The following COL24A1 variants were observed in gnomAD, a reference collection of about 807,000 sequenced individuals.
COL24A1 encodes the protein collagen alpha-1(XXIV) chain.
A neutral mutation model predicts 253.9 loss-of-function variants in COL24A1; 224 were observed. The observed-to-expected ratio is 0.88, with a 90% CI of 0.79 to 0.99. COL24A1 has a LOEUF of 0.99. Ranked by LOEUF, COL24A1 falls within the 50% of genes least tolerant of loss-of-function variation. The pLI is 0.00. For missense variants in COL24A1, 2,131 were observed against 2,068.5 expected, an observed-to-expected ratio of 1.03 and a Z score of -0.59; for synonymous variants, 685 against 673.7, an observed-to-expected ratio of 1.02 and a Z score of -0.26.
chr1:85,916,651 A>T (rs1382879569), intron 24 of COL24A1, among the ~76,000 whole-genome samples: 3 of 152,106 alleles, frequency 2.0e-5, no homozygotes, highest in Non-Finnish European at 2.9e-5. Flanking sequence ...ACAGAGCAAG[A>T]CCCTGTCTCC....
At chr1:86,047,484 A>G (rs569454211) in intron 11 of COL24A1, among the ~76,000 whole-genome samples, 10 of 152,324 alleles carry the variant, frequency 6.6e-5, no homozygotes, top group Non-Finnish European at 1.3e-4. Context: ...TACTTCCTGT[A>G]TATAGTCTAA....
chr1:85,757,460 T>C (rs1666385520), intron 55 of COL24A1, among the ~76,000 whole-genome samples: 1 of 152,150 alleles, frequency 6.6e-6, no homozygotes, highest in Non-Finnish European at 1.5e-5. Flanking sequence ...TGGCAGTAAA[T>C]AATACAATGA....
chr1:85,823,806 T>C, intron 43 of COL24A1, 68 bp from the exon 44 acceptor site: 2 of 1,381,006 alleles, frequency 1.4e-6, no homozygotes, highest in Admixed American at 1.8e-5. Context: ...TAGGATACTA[T>C]CACTTAAAAT....
intron 45 of COL24A1, among the ~76,000 whole-genome samples, chr1:85,821,276 T>A (rs1673596095): frequency 6.6e-6 from 1 of 152,160 alleles, no homozygotes; most frequent in South Asian, 2.1e-4. Context: ...AATTGGTTGG[T>A]TAGGTTAAAT....
intron 20 of COL24A1, among the ~76,000 whole-genome samples, chr1:85,982,400 A>G (rs1483856672): frequency 6.6e-6 from 1 of 152,024 alleles, no homozygotes; most frequent in Non-Finnish European, 1.5e-5. Flanking sequence ...AGTAAAACAA[A>G]TTTACTAAGG....
At chr1:85,848,839 A>G (rs1299870750) in intron 38 of COL24A1, among the ~76,000 whole-genome samples, 1 of 152,166 alleles carries the variant, frequency 6.6e-6, no homozygotes, top group Non-Finnish European at 1.5e-5. Context: ...AAAGACTTGC[A>G]CTGTCTCACT....
chr1:85,802,062 C>T (rs956491930), intron 47 of COL24A1, among the ~76,000 whole-genome samples: 2 of 152,138 alleles, frequency 1.3e-5, no homozygotes, highest in East Asian at 1.9e-4. Context: ...TAGTTCAAAC[C>T]GTGAACACCT....
intron 21 of COL24A1, 139 bp downstream of exon 21, chr1:85,971,199 ACT>A (rs1159130167): frequency 1.4e-6 from 1 of 703,108 alleles, no homozygotes; most frequent in Non-Finnish European, 2.5e-6. Flanking sequence ...AGAGACCAAG[ACT>A]CTGTCTAAAT....
rs1336132412 is a variant in COL24A1, at chr1:86,125,234, T to C, written c.1102A>G (p.Ser368Gly). ...EAKMNTKEKF[S>G]SLLNMSDNIT... ...TTGTCAGACATGTTTAGGAGAGAGCTAAATTTCTCTTTGGTATTCATTTTT... is the reference window on the plus strand; with the variant it reads ...TTGTCAGACATGTTTAGGAGAGAGCCAAATTTCTCTTTGGTATTCATTTTT... Residue 368 changes from serine (S) to glycine (G), a missense_variant, in exon 3 of 60, where the codon AGC (serine) becomes GGC (glycine). Coordinates refer to ENST00000370571, the MANE Select transcript of COL24A1 (RefSeq NM_152890.7). The C allele has an allele frequency of 1.5e-5, 25 of 1,613,500 alleles. No homozygotes were observed. Among genetic ancestry groups the C allele is most frequent in the African/African-American group, 4.0e-5 (3 of 74,878 alleles).
intron 43 of COL24A1, among the ~76,000 whole-genome samples, chr1:85,828,336 CT>C (rs1674680577): frequency 6.6e-6 from 1 of 151,508 alleles, no homozygotes; most frequent in Admixed American, 6.6e-5. Flanking sequence ...GGGAGCTTTA[CT>C]TCCAAGTATG....
At chr1:85,899,501 T>C (rs938200543) in intron 28 of COL24A1, among the ~76,000 whole-genome samples, 1 of 152,118 alleles carries the variant, frequency 6.6e-6, no homozygotes, top group Non-Finnish European at 1.5e-5. Flanking sequence ...AGTTTGACTC[T>C]AGATGATCAA....
intron 3 of COL24A1, among the ~76,000 whole-genome samples, chr1:86,124,232 C>G (rs199878045): frequency 3.9e-5 from 5 of 129,270 alleles, no homozygotes; most frequent in Non-Finnish European, 8.5e-5. Flanking sequence ...TTGTTTTTTT[C>G]CCCTCACTGA....
chr1:85,740,415 C>CA (rs1227595717), intron 57 of COL24A1, among the ~76,000 whole-genome samples: 1 of 152,144 alleles, frequency 6.6e-6, no homozygotes, highest in Non-Finnish European at 1.5e-5. Context: ...ACTATCATAT[C>CA]TACCCACATG....
Position 85,874,632 on chromosome 1 carries a change from T to TTCAAGGGGGCAC in COL24A1, c.3138+5_3138+16dup. 1 of 1,611,364 alleles carries TTCAAGGGGGCAC rather than the reference T, an allele frequency of 6.2e-7. No individual in the cohort carries two copies. Among genetic ancestry groups the TTCAAGGGGGCAC allele is most frequent in the Non-Finnish European group, 8.5e-7 (1 of 1,179,176 alleles). On this transcript the variant is annotated intron_variant, in intron 35 of 59. Transcript: ENST00000370571. ...AAGTGGGTTAGTGTATTAAAAGAGT[T>TTCAAGGGGGCAC]TCAAGGGGGCACTCACCCGTAAACC...
chr1:85,901,160 G>A (rs941879771), intron 28 of COL24A1, among the ~76,000 whole-genome samples: 7 of 152,068 alleles, frequency 4.6e-5, no homozygotes, highest in African/African-American at 1.7e-4. Context: ...CTATTCATCT[G>A]ACAAGGAACT....
intron 2 of COL24A1, among the ~76,000 whole-genome samples, chr1:86,130,932 T>A (rs1274714476): frequency 1.3e-5 from 2 of 152,034 alleles, no homozygotes; most frequent in Non-Finnish European, 2.9e-5. Flanking sequence ...AAGTTTATCC[T>A]CTATTAGTTT....
intron 57 of COL24A1, among the ~76,000 whole-genome samples, chr1:85,744,313 G>A (rs1258772931): frequency 6.6e-6 from 1 of 152,004 alleles, no homozygotes; most frequent in African/African-American, 2.4e-5. Flanking sequence ...GTATGGTGAA[G>A]GAGATGCTAT....
intron 37 of COL24A1, among the ~76,000 whole-genome samples, chr1:85,867,986 C>T (rs995131911): frequency 3.9e-5 from 6 of 152,142 alleles, no homozygotes; most frequent in Non-Finnish European, 8.8e-5. Context: ...CTCAGGTGAT[C>T]CACCCACTTC....
At chr1:86,138,961 C>T (rs545629957) in intron 2 of COL24A1, among the ~76,000 whole-genome samples, 46 of 107,016 alleles carry the variant, frequency 4.3e-4, no homozygotes, top group African/African-American at 1.3e-3. Flanking sequence ...AAGTCATCAG[C>T]GCAATTTTTG....
Sources: gnomAD v4.1 joint callset for allele counts (sites outside exome capture counted in the v4.1 genomes callset) on GRCh38, gnomAD v4.1.1 for gene constraint, MANE v1.5 for transcripts, NCBI Gene and HGNC (gene_info 2026-07-23, HGNC 2026-07-21) for gene names.